CRKL: variants seen among roughly 807,000 people sequenced by gnomAD.
The protein encoded by CRKL is CRK like proto-oncogene, adaptor protein.
CRKL carries 3 observed loss-of-function variants against 23.0 expected under a neutral mutation model. That is an observed-to-expected ratio of 0.13 (90% CI 0.06 to 0.34). CRKL has a LOEUF of 0.34. Among genes scored for constraint, CRKL ranks in the 10% least tolerant of loss-of-function variants. CRKL has a pLI of 1.00. For missense variants in CRKL, 256 were observed against 394.5 expected, an observed-to-expected ratio of 0.65 and a Z score of 2.97; for synonymous variants, 188 against 160.7, an observed-to-expected ratio of 1.17 and a Z score of -1.28.
At chr22:20,920,815 CTGT>C (rs1254690501) in intron 1 of CRKL, among the ~76,000 whole-genome samples, 2 of 152,144 alleles carry the variant, frequency 1.3e-5, no homozygotes, top group Non-Finnish European at 2.9e-5. Context: ...GAAATCCTAC[CTGT>C]TGTTCCAGTC....
At position 20,927,005 on chromosome 22, in the gene CRKL, G is replaced by A. The variant is rs1037180226; in HGVS notation, c.312-6774G>A. Reference sequence around the variant, plus strand: ...CGTGCGCCTATAGTCCCAGCTACTCGGGAGGCTGAGGCAGGAGAATGGCTT... The same window carrying A: ...CGTGCGCCTATAGTCCCAGCTACTCAGGAGGCTGAGGCAGGAGAATGGCTT... On this transcript the variant is annotated intron_variant, in intron 1 of 2. Transcript: ENST00000354336. 2.7e-5 allele frequency among the ~76,000 whole-genome samples: 4 copies of A among 149,522 alleles called. No individual in the cohort carries two copies. In the East Asian group the frequency reaches 8.3e-4, roughly 31 times the overall value.
intron 1 of CRKL, among the ~76,000 whole-genome samples, chr22:20,929,165 T>TTTTATTTCA (rs932527619): frequency 6.6e-6 from 1 of 152,092 alleles, no homozygotes. Context: ...TTTTATTTTA[T>TTTTATTTCA]TTTATTTATT....
intron 1 of CRKL, among the ~76,000 whole-genome samples, chr22:20,919,729 G>T (rs1047191935): frequency 6.6e-6 from 1 of 151,916 alleles, no homozygotes; most frequent in African/African-American, 2.4e-5. Flanking sequence ...TTTTTCCAGG[G>T]TTAGATGTTT....
At chr22:20,927,856 A>AG (rs1423262997) in intron 1 of CRKL, among the ~76,000 whole-genome samples, 1 of 150,296 alleles carries the variant, frequency 6.7e-6, no homozygotes, top group East Asian at 2.0e-4. Context: ...AAAAAAAAAA[A>AG]AAAAAAAAAA....
rs757082169 is a variant in CRKL, at chr22:20,918,264, C to A, written c.311+19C>A. On this transcript the variant is annotated intron_variant, in intron 1 of 2. Coordinates refer to ENST00000354336, the MANE Select transcript of CRKL (RefSeq NM_005207.4). The stretch of plus-strand genomic sequence containing the variant: ...CGCCCAGGTACGCGAGAGCCCTCCC[C>A]GACCGCGGAGGAAGGTCGAGAACCG... The A allele has an allele frequency of 3.7e-6, 6 of 1,610,728 alleles. No homozygotes were observed. The highest frequency in any genetic ancestry group is 5.1e-6 in the Non-Finnish European group (6 of 1,178,976).
chr22:20,928,085 A>T (rs1485805122), intron 1 of CRKL, among the ~76,000 whole-genome samples: 1 of 152,056 alleles, frequency 6.6e-6, no homozygotes, highest in Non-Finnish European at 1.5e-5. Context: ...TGAACCCAGG[A>T]GGCAGAGGTT....
intron 1 of CRKL, among the ~76,000 whole-genome samples, chr22:20,925,694 A>T (rs1921175702): frequency 6.6e-6 from 1 of 152,224 alleles, no homozygotes; most frequent in African/African-American, 2.4e-5. Context: ...CGTGACAAGA[A>T]CAGTGGAAGA....
rs533236220 is a variant in CRKL, at chr22:20,925,738, C to T, written c.311+7493C>T. 1.7e-3 allele frequency among the ~76,000 whole-genome samples: 261 copies of T among 152,188 alleles called. 2 individuals carry two copies. Among genetic ancestry groups the T allele is most frequent in the African/African-American group, 6.0e-3 (249 of 41,518 alleles). ...AGAGGCTTTGAAGGTGCACACTCAACGGTATTCGAATTCTGTCACACCAGT... is the reference window on the plus strand; with the variant it reads ...AGAGGCTTTGAAGGTGCACACTCAATGGTATTCGAATTCTGTCACACCAGT... On this transcript the variant is annotated intron_variant, in intron 1 of 2. Coordinates refer to ENST00000354336, the MANE Select transcript of CRKL (RefSeq NM_005207.4).
rs1922327691 is a variant in CRKL, at chr22:20,952,807, G to A, written c.*2962G>A. 4.3e-6 allele frequency: 1 copy of A among 232,054 alleles called. No homozygotes were observed. Among genetic ancestry groups the A allele is most frequent in the South Asian group, 1.8e-4 (1 of 5,520 alleles). 14.4% of individuals were successfully genotyped at this position (232,054 alleles called of 1,614,324 possible). A position where few individuals can be genotyped will look rare whatever the true frequency, so the allele number is the denominator to read the frequency against. On this transcript the variant is annotated 3_prime_UTR_variant, in exon 3 of 3. Coordinates refer to ENST00000354336, the MANE Select transcript of CRKL (RefSeq NM_005207.4). ...TTGTGTATCCCGGGAAGGACCTGCGGTACAGGAGTCAGCCATGTCTGTGCT... is the reference window on the plus strand; with the variant it reads ...TTGTGTATCCCGGGAAGGACCTGCGATACAGGAGTCAGCCATGTCTGTGCT...
At position 20,941,536 on chromosome 22, in the gene CRKL, TTATGTG is replaced by T. The variant is rs1311931987; in HGVS notation, c.777+7294_777+7299del. The stretch of plus-strand genomic sequence containing the variant: ...GTGTATGTGTATATATATATATATT[TTATGTG>T]TGTGTGTGTGTGTGTGTGTGTGTGT... On this transcript the variant is annotated intron_variant, in intron 2 of 2. Transcript: ENST00000354336. Among the ~76,000 whole-genome samples, 418 of 80,674 alleles carry T rather than the reference TTATGTG, an allele frequency of 5.2e-3. 16 individuals carry two copies. The highest frequency in any genetic ancestry group is 0.017 in the African/African-American group (401 of 24,096). 52.9% of individuals were successfully genotyped at this position (80,674 alleles called of 152,430 possible).
intron 1 of CRKL, among the ~76,000 whole-genome samples, chr22:20,927,335 C>T (rs1367313514): frequency 8.8e-5 from 13 of 147,652 alleles, no homozygotes; most frequent in African/African-American, 3.0e-4. Flanking sequence ...CGATTACAGG[C>T]GCCCACCACC....
intron 2 of CRKL, among the ~76,000 whole-genome samples, chr22:20,935,271 C>G (rs1921610456): frequency 6.6e-6 from 1 of 152,002 alleles, no homozygotes; most frequent in Non-Finnish European, 1.5e-5. Context: ...TGCCACCATG[C>G]CCGTCGAATT....
In CRKL at chr22:20,934,151, C is replaced by T. The variant is rs2147905763; in HGVS notation, c.684C>T (p.Thr228=). The change falls in exon 2 of 3, where the codon ACC becomes ACT. Residue 228 remains threonine, a synonymous_variant. Coordinates refer to ENST00000354336, the MANE Select transcript of CRKL (RefSeq NM_005207.4). ...CCGGTTCTCCTGGGGCAGCAATCAC[C>T]CCTTTGCCATCCACACAGAATGGAC... ...AVSGSPGAAI[T]PLPSTQNGPV... The T allele has an allele frequency of 6.2e-7, 1 of 1,614,194 alleles. No individual in the cohort carries two copies. Among genetic ancestry groups the T allele is most frequent in the Non-Finnish European group, 8.5e-7 (1 of 1,180,036 alleles).
chr22:20,948,636 ACGGACCAT>A (rs1446504129), intron 2 of CRKL, among the ~76,000 whole-genome samples: 19 of 152,298 alleles, frequency 1.2e-4, no homozygotes, highest in Non-Finnish European at 2.5e-4. Flanking sequence ...AGTTCATGGC[ACGGACCAT>A]TGGACTGTGC....
chr22:20,924,886 T>A (rs1238317795), intron 1 of CRKL, among the ~76,000 whole-genome samples: 2 of 151,418 alleles, frequency 1.3e-5, no homozygotes, highest in Non-Finnish European at 2.9e-5. Context: ...TGGAATCTTG[T>A]CCAATTAAGA....
chr22:20,918,101 C>T lies in CRKL; in HGVS notation c.167C>T (p.Ser56Leu), dbSNP rs1929757973. 1.2e-6 allele frequency: 2 copies of T among 1,614,108 alleles called. No homozygotes were observed. Among genetic ancestry groups the T allele is most frequent in the South Asian group, 2.2e-5 (2 of 91,096 alleles). The change falls in exon 1 of 3, where the codon TCG becomes TTG. Residue 56 changes from serine to leucine, a missense_variant. Around this residue, in one of 3 missense-constraint regions of CRKL, gnomAD observed 85 missense variants for 139.8 expected, o/e 0.61. Coordinates refer to ENST00000354336, the MANE Select transcript of CRKL (RefSeq NM_005207.4). ...TATGTGCTGTCGGTGTCCGAGAACT[C>T]GCGGGTCTCCCACTACATCATCAAC... ...GDYVLSVSEN[S>L]RVSHYIINSL...
chr22:20,948,257 G>A (rs1439332621), intron 2 of CRKL, among the ~76,000 whole-genome samples: 3 of 152,078 alleles, frequency 2.0e-5, no homozygotes, highest in African/African-American at 7.2e-5. Flanking sequence ...AGTCTTCTTT[G>A]GCTGCTTAGT....
chr22:20,938,686 A>G (rs372787608), intron 2 of CRKL, among the ~76,000 whole-genome samples: 1 of 152,224 alleles, frequency 6.6e-6, no homozygotes, highest in East Asian at 1.9e-4. Context: ...TCATGTAATA[A>G]TATCATTCTC....
At chr22:20,923,361 C>G (rs1211758574) in intron 1 of CRKL, among the ~76,000 whole-genome samples, 79 of 151,678 alleles carry the variant, frequency 5.2e-4, no homozygotes, top group Admixed American at 5.2e-3. Context: ...ACTGCAAGCT[C>G]CGCCTCCTGG....
Sources: allele counts gnomAD v4.1 joint callset (sites outside exome capture counted in the v4.1 genomes callset), GRCh38; gene constraint gnomAD v4.1.1; regional missense constraint gnomAD v4.1.1; transcripts MANE v1.5; gene names NCBI Gene and HGNC (gene_info 2026-07-23, HGNC 2026-07-21).